The following WBP2NL variants were observed in gnomAD, a reference collection of about 807,000 sequenced individuals.
WBP2NL encodes WBP2 N-terminal like.
In WBP2NL, 27 loss-of-function variants were observed where a neutral mutation model predicts 23.3. The observed-to-expected ratio is 1.16, with a 90% CI of 0.85 to 1.60. The LOEUF (loss-of-function observed/expected upper bound fraction) is 1.60, where lower values mean the gene tolerates loss of function less well. Ranked by LOEUF, WBP2NL falls within the 40% of genes most tolerant of loss-of-function variation. The probability of loss-of-function intolerance (pLI) is 0.00; values close to 1 mark genes in which losing one functional copy is unlikely to be tolerated. For missense variants in WBP2NL, 370 were observed against 389.5 expected, an observed-to-expected ratio of 0.95 and a Z score of 0.42; for synonymous variants, 151 against 145.9, an observed-to-expected ratio of 1.03 and a Z score of -0.25.
chr22:42,020,890 ATATATATATATATATATATTTTTTT>A (rs1923875549), intron 4 of WBP2NL, among the ~76,000 whole-genome samples: 2 of 48,232 alleles, frequency 4.1e-5, no homozygotes, highest in Non-Finnish European at 7.4e-5. Context: ...ATATATATAT[ATATATATATATATATATATTTTTTT>A]TTTTTTTTTT....
chr22:42,046,856 T>TA (rs1925607095), intron 8 of WBP2NL, among the ~76,000 whole-genome samples: 1 of 152,234 alleles, frequency 6.6e-6, no homozygotes, highest in African/African-American at 2.4e-5. Flanking sequence ...TTTACAAACA[T>TA]ACGTGCTACC....
chr22:42,047,083 C>G (rs769279305), intron 8 of WBP2NL, among the ~76,000 whole-genome samples: 2 of 151,972 alleles, frequency 1.3e-5, no homozygotes, highest in Non-Finnish European at 2.9e-5. Context: ...TGAGAGACAA[C>G]ATAGCAATAT....
intron 5 of WBP2NL, among the ~76,000 whole-genome samples, chr22:42,025,014 A>T (rs1411656618): frequency 6.6e-6 from 1 of 152,072 alleles, no homozygotes; most frequent in Non-Finnish European, 1.5e-5. Context: ...TGTTGTTCAG[A>T]CTCATCTAGA....
At chr22:42,052,127 CA>C (rs1180268668) in intron 8 of WBP2NL, among the ~76,000 whole-genome samples, 1 of 152,090 alleles carries the variant, frequency 6.6e-6, no homozygotes, top group Non-Finnish European at 1.5e-5. Flanking sequence ...CAAGTCAGTG[CA>C]GATGGCTTTG....
intron 8 of WBP2NL, among the ~76,000 whole-genome samples, chr22:42,043,384 G>A (rs377625306): frequency 6.6e-5 from 10 of 152,232 alleles, no homozygotes; most frequent in African/African-American, 1.2e-4. Flanking sequence ...GCTAGGGCTC[G>A]TGGTGTGTAT....
At chr22:42,039,584 G>A (rs1164504289) in intron 8 of WBP2NL, among the ~76,000 whole-genome samples, 1 of 152,040 alleles carries the variant, frequency 6.6e-6, no homozygotes, top group African/African-American at 2.4e-5. Flanking sequence ...GGTAGTGTGT[G>A]TGTTACTAAG....
intron 8 of WBP2NL, among the ~76,000 whole-genome samples, chr22:42,047,350 A>G (rs1925631800): frequency 6.6e-6 from 1 of 151,620 alleles, no homozygotes; most frequent in South Asian, 2.1e-4. Context: ...AAATATGTAA[A>G]TACCAGAACC....
rs2146803830 is a variant in WBP2NL at position 42,027,965 on chromosome 22, AC to A, written c.*786del. ...GCTTGACTAGTGTTAGGGAAATGCAACCTGAGATGAGAAAACATTTTTATCT... is the reference window on the plus strand; with the variant it reads ...GCTTGACTAGTGTTAGGGAAATGCAACTGAGATGAGAAAACATTTTTATCT... On this transcript the variant is annotated 3_prime_UTR_variant, in exon 6 of 6. Transcript: ENST00000328823. 1 of 398,480 alleles carries A rather than the reference AC, an allele frequency of 2.5e-6. No homozygotes were observed. Among genetic ancestry groups the A allele is most frequent in the Admixed American group, 4.4e-5 (1 of 22,726 alleles). 24.7% of individuals were successfully genotyped at this position (398,480 alleles called of 1,614,324 possible).
intron 4 of WBP2NL, among the ~76,000 whole-genome samples, chr22:42,021,030 C>T (rs1341308804): frequency 1.4e-5 from 2 of 145,304 alleles, no homozygotes; most frequent in Non-Finnish European, 3.0e-5. Flanking sequence ...AGTGATTCTC[C>T]TCCCTCAGCC....
intron 8 of WBP2NL, among the ~76,000 whole-genome samples, chr22:42,053,536 C>T (rs1011341778): frequency 1.3e-5 from 2 of 151,576 alleles, no homozygotes; most frequent in African/African-American, 4.9e-5. Flanking sequence ...CTCAGCTCAC[C>T]ACAACCTCCA....
chr22:42,001,468 A>C, intron 1 of WBP2NL: 4 of 909,510 alleles, frequency 4.4e-6, no homozygotes, highest in Non-Finnish European at 7.3e-6. Flanking sequence ...TAATCCCGTC[A>C]GATTTGTAGA....
chr22:42,036,188 T>A (rs963967262), downstream of WBP2NL, among the ~76,000 whole-genome samples: 2 of 152,144 alleles, frequency 1.3e-5, no homozygotes, highest in Non-Finnish European at 2.9e-5. Flanking sequence ...TTTTTTTTTT[T>A]CTTTGAGACC....
At chr22:42,014,858 T>C (rs1029839504) in intron 1 of WBP2NL, among the ~76,000 whole-genome samples, 4 of 152,240 alleles carry the variant, frequency 2.6e-5, no homozygotes, top group Admixed American at 2.0e-4. Flanking sequence ...CCTGAGACTT[T>C]GTTTGTATTC....
At chr22:42,009,918 T>C (rs133323) in intron 1 of WBP2NL, among the ~76,000 whole-genome samples, 65,012 of 152,102 alleles carry the variant, frequency 0.43, 15,051 homozygotes, top group East Asian at 0.85. Flanking sequence ...CTTAGCCTTA[T>C]TAAGTTTTCA....
intron 4 of WBP2NL, 32 bp from the exon 5 acceptor site, chr22:42,022,217 G>T (rs1924044502): frequency 6.4e-7 from 1 of 1,559,208 alleles, no homozygotes; most frequent in South Asian, 1.1e-5. Context: ...TTAATTAAAA[G>T]AGTTCCTATT....
At chr22:42,012,380 A>G (rs1397286892) in intron 1 of WBP2NL, among the ~76,000 whole-genome samples, 2 of 152,092 alleles carry the variant, frequency 1.3e-5, no homozygotes, top group East Asian at 3.8e-4. Flanking sequence ...ATTTACAGCA[A>G]CCCATAAGCT....
At chr22:42,025,196 A>C (rs1924367496) in intron 5 of WBP2NL, among the ~76,000 whole-genome samples, 1 of 152,194 alleles carries the variant, frequency 6.6e-6, no homozygotes, top group Admixed American at 6.5e-5. Context: ...TTCGTTGCCA[A>C]ATCCAATGTC....
At chr22:42,057,095 T>C (rs1438797642) in intron 8 of WBP2NL, among the ~76,000 whole-genome samples, 1 of 152,224 alleles carries the variant, frequency 6.6e-6, no homozygotes, top group Non-Finnish European at 1.5e-5. Context: ...ATATTTTCCA[T>C]CAAATGTGAG....
chr22:42,024,295 T>C (rs1042491545), intron 5 of WBP2NL, among the ~76,000 whole-genome samples: 4 of 152,254 alleles, frequency 2.6e-5, no homozygotes, highest in African/African-American at 9.6e-5. Flanking sequence ...CTAGCTGCTA[T>C]GAGCATTTGT....
Sources: gnomAD v4.1 joint callset for allele counts (sites outside exome capture counted in the v4.1 genomes callset) on GRCh38, gnomAD v4.1.1 for gene constraint, MANE v1.5 for transcripts, NCBI Gene and HGNC (gene_info 2026-07-23, HGNC 2026-07-21) for gene names.